PIK3C2A: variants seen among roughly 807,000 people sequenced by gnomAD.
PIK3C2A encodes the protein phosphatidylinositol-4-phosphate 3-kinase catalytic subunit type 2 alpha.
In PIK3C2A, 97 loss-of-function variants were observed where a neutral mutation model predicts 204.5. That is an observed-to-expected ratio of 0.47 (90% CI 0.40 to 0.56). The LOEUF is 0.56. Ranked by LOEUF, PIK3C2A falls within the 20% of genes least tolerant of loss-of-function variation. PIK3C2A has a pLI of 0.00. For missense variants in PIK3C2A, 1,735 were observed against 1,969.2 expected (o/e 0.88, Z 2.25); for synonymous variants, 653 against 664.4 (o/e 0.98, Z 0.26).
chr11:17,110,589 T>C (rs757280002), intron 21 of PIK3C2A, 28 bp from the exon 22 acceptor site: 5 of 1,595,560 alleles, frequency 3.1e-6, no homozygotes, highest in East Asian at 4.5e-5. Context: ...AAAATGAAAC[T>C]TGTACATCTC....
rs1849388258 is a variant in PIK3C2A, at chr11:17,122,223, T to C, written c.2622A>G (p.Lys874=). Residue 874 remains lysine, a synonymous_variant, in exon 15 of 33, where the codon AAA becomes AAG. Coordinates refer to ENST00000691414, the MANE Select transcript of PIK3C2A (RefSeq NM_002645.4). ...LETLENDIKG[K]LLDILHKDSS... ...AGTCTTTATGAAGAATATCAAGAAG[T>C]TTCCCTTTTATATCATTCTCTAGTG... is the stretch of plus-strand genomic sequence containing the variant. The C allele has an allele frequency of 1.3e-6, 2 of 1,577,530 alleles. No individual in the cohort carries two copies. The highest frequency in any genetic ancestry group is 1.7e-6 in the Non-Finnish European group (2 of 1,149,368).
At chr11:17,198,342 T>A (rs972272094) in intron 1 of PIK3C2A, among the ~76,000 whole-genome samples, 1 of 136,534 alleles carries the variant, frequency 7.3e-6, no homozygotes, top group Non-Finnish European at 1.6e-5. Flanking sequence ...ACTCCTGACC[T>A]CAGGTGATCC....
intron 1 of PIK3C2A, among the ~76,000 whole-genome samples, chr11:17,198,059 AAG>A (rs1852223046): frequency 6.6e-6 from 1 of 152,186 alleles, no homozygotes; most frequent in Admixed American, 6.6e-5. Context: ...TAGCAGGAGA[AAG>A]AACCATGTAG....
chr11:17,107,308 G>A (rs939620012), intron 22 of PIK3C2A, among the ~76,000 whole-genome samples: 5 of 151,658 alleles, frequency 3.3e-5, no homozygotes, highest in Non-Finnish European at 7.4e-5. Context: ...GCAAGGCTCC[G>A]TCTCAAAAAA....
chr11:17,193,999 A>C, intron 1 of PIK3C2A: 1 of 371,202 alleles, frequency 2.7e-6, no homozygotes, highest in East Asian at 4.7e-5. Flanking sequence ...CAAGAAGCAA[A>C]ACAAGAAGGG....
At chr11:17,170,327 GC>G (rs1478731168) in intron 1 of PIK3C2A, among the ~76,000 whole-genome samples, 1 of 152,126 alleles carries the variant, frequency 6.6e-6, no homozygotes, top group Admixed American at 6.6e-5. Context: ...AATACTATGT[GC>G]AAAACTGATA....
In PIK3C2A at chr11:17,137,374, C is replaced by T. The variant is rs966949894; in HGVS notation, c.1705-749G>A. Among the ~76,000 whole-genome samples, 7 of 150,942 alleles carry T rather than the reference C, an allele frequency of 4.6e-5. No individual in the cohort carries two copies. The East Asian group carries it at 9.7e-4, about 21-fold the overall frequency. ...CTTCACATTCATGCAAAAATCTTTC[C>T]AGTTTTGAAGGTCATGCCATTCTCC... is the stretch of plus-strand genomic sequence containing the variant. On this transcript the variant is annotated intron_variant, in intron 8 of 32. Transcript: ENST00000691414.
chr11:17,124,074 G>T (rs1345443980), intron 13 of PIK3C2A, among the ~76,000 whole-genome samples: 1 of 151,360 alleles, frequency 6.6e-6, no homozygotes, highest in Non-Finnish European at 1.5e-5. Flanking sequence ...TCACTCTGTC[G>T]CCCTGGTTGG....
intron 24 of PIK3C2A, 56 bp downstream of exon 24, chr11:17,102,606 T>G (rs1176221427): frequency 7.0e-7 from 1 of 1,424,940 alleles, no homozygotes; most frequent in Non-Finnish European, 9.6e-7. Context: ...GAGACAAACT[T>G]TAATTTGTGA....
At chr11:17,173,598 T>G (rs888606519) in intron 1 of PIK3C2A, among the ~76,000 whole-genome samples, 5 of 152,224 alleles carry the variant, frequency 3.3e-5, no homozygotes, top group African/African-American at 1.2e-4. Flanking sequence ...TCTCCCTTTT[T>G]GCTTAAGCCA....
intron 25 of PIK3C2A, 111 bp downstream of exon 25, chr11:17,101,167 A>G (rs998918978): frequency 2.2e-5 from 14 of 631,026 alleles, no homozygotes; most frequent in Non-Finnish European, 3.1e-5. Flanking sequence ...TGTATCTGAC[A>G]TTTGTGACTA....
intron 2 of PIK3C2A, among the ~76,000 whole-genome samples, chr11:17,162,573 G>C (rs972122743): frequency 6.6e-5 from 10 of 152,166 alleles, no homozygotes; most frequent in Admixed American, 6.5e-5. Flanking sequence ...CAATCACCAA[G>C]TTTCGGCCAA....
chr11:17,101,271 T>C lies in PIK3C2A; in HGVS notation c.4008+7A>G. The stretch of plus-strand genomic sequence containing the variant: ...AAACTAATTAAGTGCTTATAAAGAA[T>C]AGTTACCAGTGAAAGGAGGTTAAGA... On this transcript the variant is annotated splice_region_variant and intron_variant, in intron 25 of 32. Transcript: ENST00000691414. 6.8e-7 allele frequency: 1 copy of C among 1,480,868 alleles called. No individual in the cohort carries two copies. The highest frequency in any genetic ancestry group is 9.2e-7 in the Non-Finnish European group (1 of 1,086,194). 91.7% of individuals were successfully genotyped at this position (1,480,868 alleles called of 1,614,324 possible).
At chr11:17,097,711 C>T (rs1471500190) in intron 26 of PIK3C2A, among the ~76,000 whole-genome samples, 2 of 152,146 alleles carry the variant, frequency 1.3e-5, no homozygotes, top group Non-Finnish European at 2.9e-5. Context: ...GCCAGGAGTT[C>T]GAGACCAGCC....
intron 8 of PIK3C2A, among the ~76,000 whole-genome samples, chr11:17,143,536 G>C (rs975201169): frequency 1.3e-5 from 2 of 151,224 alleles, no homozygotes; most frequent in African/African-American, 2.4e-5. Flanking sequence ...AACAGTAACA[G>C]CTTAGGTTTT....
chr11:17,112,573 C>T lies in PIK3C2A; in HGVS notation c.3414+1G>A. 1 of 1,429,034 alleles carries T rather than the reference C, an allele frequency of 7.0e-7. No individual in the cohort carries two copies. Among genetic ancestry groups the T allele is most frequent in the Non-Finnish European group, 9.6e-7 (1 of 1,037,020 alleles). The allele number at this position is 1,429,034 out of a possible 1,614,324, so 88.5% of individuals were successfully genotyped here. A position where few individuals can be genotyped will look rare whatever the true frequency, so the allele number is the denominator to read the frequency against. Reference sequence around the variant, plus strand: ...AAAAAACAGTAACATTATTTACTCACCTTAAACATGACATTAATTTCTTCT... The same window carrying T: ...AAAAAACAGTAACATTATTTACTCATCTTAAACATGACATTAATTTCTTCT... On this transcript the variant is annotated splice_donor_variant, in intron 21 of 32. Coordinates refer to ENST00000691414, the MANE Select transcript of PIK3C2A (RefSeq NM_002645.4). LOFTEE classifies it high-confidence loss of function.
chr11:17,187,876 C>CT (rs1851808441), intron 1 of PIK3C2A, among the ~76,000 whole-genome samples: 1 of 151,912 alleles, frequency 6.6e-6, no homozygotes, highest in African/African-American at 2.4e-5. Context: ...GAAGAGACAC[C>CT]TTAGGGGACT....
At chr11:17,148,916 A>G in intron 4 of PIK3C2A, 129 bp from the exon 5 acceptor site, 1 of 601,792 alleles carries the variant, frequency 1.7e-6, no homozygotes, top group Non-Finnish European at 2.6e-6. Context: ...CCACATATAT[A>G]ATTTTAAATT....
At chr11:17,101,737 G>A (rs970941388) in intron 24 of PIK3C2A, among the ~76,000 whole-genome samples, 24 of 151,256 alleles carry the variant, frequency 1.6e-4, no homozygotes, top group African/African-American at 5.1e-4. Flanking sequence ...CCGAGTAGCC[G>A]GGACCACAGG....
Sources: allele counts gnomAD v4.1 joint callset (sites outside exome capture counted in the v4.1 genomes callset), GRCh38; gene constraint gnomAD v4.1.1; transcripts MANE v1.5; gene names NCBI Gene and HGNC (gene_info 2026-07-23, HGNC 2026-07-21).